CLDN10: variants seen among roughly 807,000 people sequenced by gnomAD.
The protein encoded by CLDN10 is claudin 10.
Under a neutral mutation model 22.9 loss-of-function variants are expected in CLDN10, and 15 were observed. That is an observed-to-expected ratio of 0.65 (90% confidence interval 0.44 to 1.01). CLDN10 has a LOEUF of 1.01. Among genes scored for constraint, CLDN10 ranks in the 50% least tolerant of loss-of-function variants. CLDN10 has a pLI of 0.00. For synonymous variants in CLDN10, 114 were observed against 111.4 expected, an observed-to-expected ratio of 1.02 and a Z score of -0.15; for missense variants, 247 against 287.8, an observed-to-expected ratio of 0.86 and a Z score of 1.03.
chr13:95,496,928 G>A (rs1443466775), intron 1 of CLDN10: 1 of 152,118 alleles, frequency 6.6e-6, no homozygotes, highest in East Asian at 1.9e-4. Flanking sequence ...TCCAGTGCAG[G>A]CTCTGGGTCT....
chr13:95,511,594 A>G (rs2043099064), intron 1 of CLDN10, among the ~76,000 whole-genome samples: 1 of 151,002 alleles, frequency 6.6e-6, no homozygotes, highest in Non-Finnish European at 1.5e-5. Context: ...TGATAAAAGT[A>G]GGAAAAGTCA....
At chr13:95,482,824 A>C (rs1369699849) in intron 1 of CLDN10, among the ~76,000 whole-genome samples, 2 of 152,080 alleles carry the variant, frequency 1.3e-5, no homozygotes, top group African/African-American at 4.8e-5. Flanking sequence ...CTAAAAATAC[A>C]AAAAATTAGC....
intron 3 of CLDN10, among the ~76,000 whole-genome samples, chr13:95,572,433 A>T (rs2043875864): frequency 6.6e-6 from 1 of 152,150 alleles, no homozygotes; most frequent in Non-Finnish European, 1.5e-5. Context: ...CAAGTAATTT[A>T]ATCTCCCAGA....
intron 1 of CLDN10, among the ~76,000 whole-genome samples, chr13:95,456,149 T>C (rs1013126230): frequency 2.6e-5 from 4 of 152,212 alleles, no homozygotes; most frequent in Admixed American, 2.0e-4. Context: ...GGCAATAAAA[T>C]TGTGTATCAT....
At chr13:95,568,579 G>T (rs556779570) in intron 3 of CLDN10, among the ~76,000 whole-genome samples, 1 of 152,172 alleles carries the variant, frequency 6.6e-6, no homozygotes, top group African/African-American at 2.4e-5. Context: ...CCCTGTTTTG[G>T]GTGCTCCCTT....
Position 95,579,585 on chromosome 13 carries a change from A to ATCTT in CLDN10, c.*1573_*1576dup, listed in dbSNP as rs2043986210. On this transcript the variant is annotated 3_prime_UTR_variant, in exon 5 of 5. Coordinates refer to ENST00000299339, the MANE Select transcript of CLDN10 (RefSeq NM_006984.5). ...ATGAATAAGAATTGGTATTTGTGTTATCTTTGAGTAAGAAACTGTCCGATA... is the reference window on the plus strand; with the variant it reads ...ATGAATAAGAATTGGTATTTGTGTTATCTTTCTTTGAGTAAGAAACTGTCCGATA... 1 of 152,234 alleles carries ATCTT rather than the reference A, an allele frequency of 6.6e-6. No homozygotes were observed. The highest frequency in any genetic ancestry group is 2.1e-4 in the South Asian group (1 of 4,828). The allele number at this position is 152,234 out of a possible 1,614,324, so 9.4% of individuals were successfully genotyped here.
intron 1 of CLDN10, among the ~76,000 whole-genome samples, chr13:95,442,719 T>C (rs1250452846): frequency 1.3e-5 from 2 of 152,164 alleles, no homozygotes; most frequent in African/African-American, 4.8e-5. Context: ...GGAAAAACTT[T>C]GGGACAGACA....
At chr13:95,485,542 C>T (rs2042796175) in intron 1 of CLDN10, among the ~76,000 whole-genome samples, 2 of 152,176 alleles carry the variant, frequency 1.3e-5, no homozygotes, top group Admixed American at 1.3e-4. Context: ...CCATTCATCA[C>T]TGCTGGTTTT....
At chr13:95,468,144 T>C (rs758725126) in intron 1 of CLDN10, among the ~76,000 whole-genome samples, 2 of 152,230 alleles carry the variant, frequency 1.3e-5, no homozygotes, top group African/African-American at 2.4e-5. Context: ...ACACAAAATT[T>C]ACTATCCTAG....
chr13:95,576,767 G>A (rs557350790), intron 3 of CLDN10, among the ~76,000 whole-genome samples: 75 of 152,330 alleles, frequency 4.9e-4, no homozygotes, highest in Non-Finnish European at 7.1e-4. Context: ...AGACTGCAGC[G>A]ATTAGTGACG....
At chr13:95,548,288 A>C (rs752244025), upstream of CLDN10, among the ~76,000 whole-genome samples, 1 of 152,200 alleles carries the variant, frequency 6.6e-6, no homozygotes, top group Non-Finnish European at 1.5e-5. Flanking sequence ...CCTCCCCTTC[A>C]GGGGCTCAAG....
intron 1 of CLDN10, among the ~76,000 whole-genome samples, chr13:95,488,516 C>T (rs1443233015): frequency 6.6e-6 from 1 of 152,042 alleles, no homozygotes; most frequent in Non-Finnish European, 1.5e-5. Flanking sequence ...CCCTTGCCCC[C>T]TCCCACTCTT....
chr13:95,492,634 T>C (rs910636273), intron 1 of CLDN10, among the ~76,000 whole-genome samples: 3 of 152,260 alleles, frequency 2.0e-5, no homozygotes, highest in African/African-American at 7.2e-5. Context: ...TCCCCCTGCA[T>C]GTGAAGTCTG....
intron 1 of CLDN10, among the ~76,000 whole-genome samples, chr13:95,535,816 G>A (rs2138614609): frequency 6.6e-6 from 1 of 152,144 alleles, no homozygotes; most frequent in East Asian, 1.9e-4. Flanking sequence ...GACGAATCGT[G>A]GAACAGGCAG....
chr13:95,495,876 C>T (rs773202176), intron 1 of CLDN10, among the ~76,000 whole-genome samples: 29 of 152,020 alleles, frequency 1.9e-4, no homozygotes, highest in Admixed American at 3.3e-4. Flanking sequence ...AATTCTGAGT[C>T]ATTTTTTATC....
intron 1 of CLDN10, among the ~76,000 whole-genome samples, chr13:95,456,188 T>A (rs1045580327): frequency 2.0e-5 from 3 of 152,240 alleles, no homozygotes; most frequent in Non-Finnish European, 2.9e-5. Flanking sequence ...TTTCATATCT[T>A]GTAGGTATTA....
At chr13:95,539,029 GC>G (rs1391157320) in intron 1 of CLDN10, among the ~76,000 whole-genome samples, 1 of 151,976 alleles carries the variant, frequency 6.6e-6, no homozygotes, top group Non-Finnish European at 1.5e-5. Flanking sequence ...ACAGGCACCC[GC>G]CATCATACCT....
intron 1 of CLDN10, among the ~76,000 whole-genome samples, chr13:95,487,616 A>G (rs2042818070): frequency 6.6e-6 from 1 of 152,210 alleles, no homozygotes; most frequent in Admixed American, 6.5e-5. Context: ...CACATACTTC[A>G]TGAACTCATG....
At chr13:95,557,399 G>T (rs1410697945) in intron 1 of CLDN10, among the ~76,000 whole-genome samples, 1 of 152,078 alleles carries the variant, frequency 6.6e-6, no homozygotes, top group Non-Finnish European at 1.5e-5. Context: ...AATCATCTTG[G>T]CTCCAATCTG....
Sources: allele counts gnomAD v4.1 joint callset (sites outside exome capture counted in the v4.1 genomes callset), GRCh38; gene constraint gnomAD v4.1.1; transcripts MANE v1.5; gene names NCBI Gene and HGNC (gene_info 2026-07-23, HGNC 2026-07-21).